Variants in RAP1A observed in about 807,000 individuals in gnomAD.
RAP1A encodes ras-related protein Rap-1A.
Under a neutral mutation model 26.4 loss-of-function variants are expected in RAP1A, and 6 were observed. That is an observed-to-expected ratio of 0.23 (90% CI 0.12 to 0.45). The LOEUF (loss-of-function observed/expected upper bound fraction) is 0.45, where lower values mean the gene tolerates loss of function less well. Ranked by LOEUF, RAP1A falls within the 20% of genes least tolerant of loss-of-function variation. The pLI, the probability that RAP1A is intolerant of heterozygous loss-of-function variation, is 0.99. For missense variants in RAP1A, 121 were observed against 217.2 expected, an observed-to-expected ratio of 0.56 and a Z score of 2.78; for synonymous variants, 73 against 79.4, an observed-to-expected ratio of 0.92 and a Z score of 0.43.
intron 1 of RAP1A, among the ~76,000 whole-genome samples, chr1:111,595,113 A>T (rs562925734): frequency 9.9e-5 from 15 of 152,252 alleles, no homozygotes; most frequent in Non-Finnish European, 2.1e-4. Flanking sequence ...ACAGTTAATC[A>T]GCCCATCTTC....
At chr1:111,672,419 T>A (rs949502890) in intron 1 of RAP1A, among the ~76,000 whole-genome samples, 10 of 152,188 alleles carry the variant, frequency 6.6e-5, no homozygotes, top group African/African-American at 2.4e-4. Context: ...GGGTATAAAA[T>A]TAGGGAGTAG....
intron 1 of RAP1A, among the ~76,000 whole-genome samples, chr1:111,543,682 AG>A (rs1274184048): frequency 1.3e-5 from 2 of 150,992 alleles, no homozygotes; most frequent in African/African-American, 2.4e-5. Flanking sequence ...GAAAAAGGAG[AG>A]GAGGAGGGGG....
At chr1:111,660,555 A>G (rs1407456880) in intron 1 of RAP1A, among the ~76,000 whole-genome samples, 1 of 151,640 alleles carries the variant, frequency 6.6e-6, no homozygotes, top group South Asian at 2.1e-4. Flanking sequence ...CTGCACTGCT[A>G]CTCCTTTGGT....
chr1:111,607,006 T>TC (rs1175843517), intron 1 of RAP1A, among the ~76,000 whole-genome samples: 2 of 137,344 alleles, frequency 1.5e-5, no homozygotes, highest in African/African-American at 3.3e-5. Flanking sequence ...CATTTTCTTT[T>TC]ATTTATTTAT....
chr1:111,618,039 CTCAAAAAAAAAAAAA>C (rs1308163054), upstream of RAP1A, among the ~76,000 whole-genome samples: 2 of 113,888 alleles, frequency 1.8e-5, no homozygotes, highest in African/African-American at 7.0e-5. Context: ...AAGACTCCGC[CTCAAAAAAAAAAAAA>C]TCATTCCAGC....
In RAP1A at chr1:111,667,682, CA is replaced by C. The variant is rs58742031; in HGVS notation, c.-27-23637del. On this transcript the variant is annotated intron_variant, in intron 1 of 7. Transcript: ENST00000369709. ...GGGCGACAAGAGCAAGACTCCGTCT[CA>C]AAAAAAAAAAAAAATGTGGGTTCAT... Among the ~76,000 whole-genome samples the C allele has an allele frequency of 6.4e-3, 753 of 117,730 alleles. 5 individuals carry two copies. Among genetic ancestry groups the C allele is most frequent in the South Asian group, 0.022 (87 of 3,972 alleles). 77.2% of individuals were successfully genotyped at this position (117,730 alleles called of 152,430 possible).
chr1:111,562,226 C>T (rs1657769990), intron 1 of RAP1A, among the ~76,000 whole-genome samples: 1 of 152,112 alleles, frequency 6.6e-6, no homozygotes, highest in Non-Finnish European at 1.5e-5. Flanking sequence ...ACCACTTCTT[C>T]CCCTATGTTC....
chr1:111,561,376 A>G (rs1657729229), intron 1 of RAP1A, among the ~76,000 whole-genome samples: 1 of 152,138 alleles, frequency 6.6e-6, no homozygotes, highest in African/African-American at 2.4e-5. Flanking sequence ...CGCTTGTCTC[A>G]GCCTCTCAGT....
At chr1:111,688,413 A>G (rs1571562395) in intron 1 of RAP1A, among the ~76,000 whole-genome samples, 1 of 148,472 alleles carries the variant, frequency 6.7e-6, no homozygotes, top group East Asian at 2.0e-4. Flanking sequence ...ACTGCCTCCC[A>G]GGTTCAAGCG....
chr1:111,607,323 A>G (rs1658805879), intron 1 of RAP1A, among the ~76,000 whole-genome samples: 1 of 152,104 alleles, frequency 6.6e-6, no homozygotes, highest in Non-Finnish European at 1.5e-5. Context: ...TGATTCAGAG[A>G]GCACAGGGTT....
At chr1:111,642,751 A>T (rs2477431) in intron 1 of RAP1A, among the ~76,000 whole-genome samples, 132,247 of 149,912 alleles carry the variant, frequency 0.88, 58,638 homozygotes, top group African/African-American at 0.97. Flanking sequence ...CCTCCCAAGG[A>T]GCTGGGATTA....
At chr1:111,609,074 G>A (rs1289062333) in intron 1 of RAP1A, among the ~76,000 whole-genome samples, 1 of 152,214 alleles carries the variant, frequency 6.6e-6, no homozygotes, top group Non-Finnish European at 1.5e-5. Flanking sequence ...CACAGGCTGA[G>A]TTTGTGCTAA....
intron 1 of RAP1A, among the ~76,000 whole-genome samples, chr1:111,557,636 C>G (rs980141097): frequency 2.0e-4 from 31 of 151,818 alleles, no homozygotes; most frequent in African/African-American, 7.0e-4. Flanking sequence ...CCCAAATGAA[C>G]TTCTAATGAA....
intron 1 of RAP1A, among the ~76,000 whole-genome samples, chr1:111,609,524 C>G (rs1658881869): frequency 6.6e-6 from 1 of 152,144 alleles, no homozygotes; most frequent in African/African-American, 2.4e-5. Flanking sequence ...TAGGTTATTT[C>G]TCCCTAAACT....
At chr1:111,554,766 G>T (rs962622146) in intron 1 of RAP1A, among the ~76,000 whole-genome samples, 1 of 152,136 alleles carries the variant, frequency 6.6e-6, no homozygotes, top group Non-Finnish European at 1.5e-5. Context: ...TTTCTTCAAA[G>T]TGATTCAGGT....
intron 1 of RAP1A, among the ~76,000 whole-genome samples, chr1:111,622,058 G>A (rs966321477): frequency 1.3e-5 from 2 of 152,154 alleles, no homozygotes; most frequent in African/African-American, 4.8e-5. Flanking sequence ...GGAAGAAAAG[G>A]AAACTACTTG....
At chr1:111,703,229 G>T in intron 4 of RAP1A, 107 bp from the exon 5 acceptor site, 1 of 737,630 alleles carries the variant, frequency 1.4e-6, no homozygotes, top group Non-Finnish European at 2.0e-6. Flanking sequence ...TGTCAGGATA[G>T]CAAGTAATAA....
chr1:111,587,269 TTC>T (rs949943548), intron 1 of RAP1A, among the ~76,000 whole-genome samples: 1 of 152,112 alleles, frequency 6.6e-6, no homozygotes, highest in Non-Finnish European at 1.5e-5. Context: ...CTCTCACGCA[TTC>T]TCTTTTTTTC....
intron 1 of RAP1A, among the ~76,000 whole-genome samples, chr1:111,651,175 G>C (rs868153278): frequency 6.6e-6 from 1 of 152,070 alleles, no homozygotes; most frequent in African/African-American, 2.4e-5. Context: ...TTGTTTGCTT[G>C]TTTTGGCTAT....
Sources: allele counts gnomAD v4.1 joint callset (sites outside exome capture counted in the v4.1 genomes callset), GRCh38; gene constraint gnomAD v4.1.1; transcripts MANE v1.5; gene names NCBI Gene and HGNC (gene_info 2026-07-23, HGNC 2026-07-21).